Variants in SHLD2 observed in about 807,000 individuals in gnomAD.
SHLD2 encodes the protein shieldin complex subunit 2.
Under a neutral mutation model 73.2 loss-of-function variants are expected in SHLD2, and 30 were observed. That is an observed-to-expected ratio of 0.41 (90% CI 0.31 to 0.56). The LOEUF (loss-of-function observed/expected upper bound fraction) is 0.56. SHLD2 is among the 20% of genes least tolerant of loss of function. The pLI is 0.28. For synonymous variants in SHLD2, 285 were observed against 370.1 expected (o/e 0.77, Z 2.64); for missense variants, 745 against 1,055.9 (o/e 0.71, Z 4.08).
At chr10:87,127,784 A>C (rs1663856152) in intron 2 of SHLD2, among the ~76,000 whole-genome samples, 1 of 151,572 alleles carries the variant, frequency 6.6e-6, no homozygotes, top group Non-Finnish European at 1.5e-5. Context: ...GCTTTACAAC[A>C]GTCCTAAGAG....
intron 2 of SHLD2, among the ~76,000 whole-genome samples, chr10:87,139,333 T>C (rs1845018018): frequency 6.6e-6 from 1 of 152,086 alleles, no homozygotes; most frequent in Non-Finnish European, 1.5e-5. Flanking sequence ...CTAAACTCTT[T>C]TAAAGAATAC....
At position 87,144,616 on chromosome 10, in the gene SHLD2, ATTTTTTTT is replaced by A. The variant is rs548218721; in HGVS notation, c.-5-6713_-5-6706del. Among the ~76,000 whole-genome samples the A allele has an allele frequency of 2.0e-3, 179 of 89,502 alleles. 1 individual carries two copies. The highest frequency in any genetic ancestry group is 6.0e-3 in the African/African-American group (117 of 19,352). The allele number at this position is 89,502 out of a possible 152,430, so 58.7% of individuals were successfully genotyped here. A position where few individuals can be genotyped will look rare whatever the true frequency, so the allele number is the denominator to read the frequency against. ...TAAATTTAGGTACAAGCATTTACTA[ATTTTTTTT>A]TTTTTTTTTTTTTTTTTTTTGAGAT... On this transcript the variant is annotated intron_variant, in intron 2 of 9. Transcript: ENST00000298786.
intron 2 of SHLD2, among the ~76,000 whole-genome samples, chr10:87,122,530 G>A (rs1164689330): frequency 6.6e-6 from 1 of 151,802 alleles, no homozygotes; most frequent in Non-Finnish European, 1.5e-5. Flanking sequence ...GGCTTTACTG[G>A]CCCAACCAGA....
chr10:87,111,640 CAAAAAA>C (rs972282870), intron 2 of SHLD2, among the ~76,000 whole-genome samples: 2 of 66,874 alleles, frequency 3.0e-5, no homozygotes, highest in South Asian at 6.6e-4. Flanking sequence ...GAGTCTGTCT[CAAAAAA>C]AAAAAAAAAA....
intron 2 of SHLD2, among the ~76,000 whole-genome samples, chr10:87,138,597 G>C (rs1013704372): frequency 6.6e-6 from 1 of 152,064 alleles, no homozygotes; most frequent in Non-Finnish European, 1.5e-5. Flanking sequence ...GGAGGAGATG[G>C]AATTATACTG....
chr10:87,147,293 T>C (rs1464920006), intron 2 of SHLD2, among the ~76,000 whole-genome samples: 1 of 152,050 alleles, frequency 6.6e-6, no homozygotes, highest in Non-Finnish European at 1.5e-5. Context: ...GTGGTAGTTA[T>C]ATGAATGGGA....
chr10:87,123,416 C>G, intron 2 of SHLD2, among the ~76,000 whole-genome samples: 1 of 151,960 alleles, frequency 6.6e-6, no homozygotes, highest in Non-Finnish European at 1.5e-5. Context: ...ATTCTTTCAC[C>G]TCAGCCTCCA....
Position 87,152,515 on chromosome 10 carries a change from C to T in SHLD2, c.1161C>T (p.Gly387=). The change falls in exon 3 of 10, where the codon GGC becomes GGT. Residue 387 remains glycine, a synonymous_variant. Transcript: ENST00000298786. ...GCTGTACCTCTGAAGATAAAGTGGG[C>T]CAGTCTGAAGCTCTATCTAGAGTCC... is the stretch of plus-strand genomic sequence containing the variant. ...KRSCTSEDKV[G]QSEALSRVLQ... is the part of the protein sequence containing the mutation. 6.2e-7 allele frequency: 1 copy of T among 1,611,804 alleles called. No homozygotes were observed. The highest frequency in any genetic ancestry group is 8.5e-7 in the Non-Finnish European group (1 of 1,179,822).
At chr10:87,095,709 G>A (rs563187449) in intron 1 of SHLD2, among the ~76,000 whole-genome samples, 8 of 152,338 alleles carry the variant, frequency 5.3e-5, no homozygotes, top group African/African-American at 1.9e-4. Context: ...GCAGTGTGGA[G>A]ATCGCATAGT....
intron 2 of SHLD2, among the ~76,000 whole-genome samples, chr10:87,137,968 C>T (rs1025728151): frequency 2.0e-5 from 3 of 151,864 alleles, no homozygotes; most frequent in African/African-American, 7.3e-5. Flanking sequence ...CCCAGGAGTT[C>T]GAGTCCAGCC....
intron 2 of SHLD2, chr10:87,114,198 T>G (rs1843102686): frequency 6.6e-6 from 1 of 152,154 alleles, no homozygotes; most frequent in Non-Finnish European, 1.5e-5. Flanking sequence ...CAACATTCTG[T>G]TTGTGGGAAA....
At chr10:87,113,714 A>G (rs1843070893) in intron 2 of SHLD2, among the ~76,000 whole-genome samples, 1 of 152,240 alleles carries the variant, frequency 6.6e-6, no homozygotes, top group Non-Finnish European at 1.5e-5. Flanking sequence ...TGTCAATTAA[A>G]AAAAAGTATA....
intron 2 of SHLD2, among the ~76,000 whole-genome samples, chr10:87,144,518 C>T (rs1224666685): frequency 6.6e-6 from 1 of 150,378 alleles, no homozygotes; most frequent in Non-Finnish European, 1.5e-5. Flanking sequence ...GCTTTTGTTT[C>T]TGAGGAAAAA....
intron 1 of SHLD2, among the ~76,000 whole-genome samples, chr10:87,095,685 C>G (rs544963982): frequency 4.6e-5 from 7 of 152,264 alleles, no homozygotes; most frequent in Non-Finnish European, 1.0e-4. Context: ...TTTATTGTCC[C>G]GTTCAACTGC....
intron 8 of SHLD2, among the ~76,000 whole-genome samples, chr10:87,181,990 A>G (rs1433277427): frequency 6.6e-6 from 1 of 151,750 alleles, no homozygotes; most frequent in East Asian, 1.9e-4. Flanking sequence ...CTGGTCTCGA[A>G]CTCCTGACCT....
At chr10:87,105,135 G>A (rs1197593472) in intron 2 of SHLD2, among the ~76,000 whole-genome samples, 1 of 152,082 alleles carries the variant, frequency 6.6e-6, no homozygotes, top group South Asian at 2.1e-4. Flanking sequence ...CCACCCTCTA[G>A]AAAAGAAAAT....
At chr10:87,173,328 G>T (rs1307881663) in intron 6 of SHLD2, among the ~76,000 whole-genome samples, 2 of 152,004 alleles carry the variant, frequency 1.3e-5, no homozygotes, top group Non-Finnish European at 2.9e-5. Flanking sequence ...CACCGCACCC[G>T]GCCAGCATAA....
At chr10:87,137,779 A>G (rs1381214300) in intron 2 of SHLD2, among the ~76,000 whole-genome samples, 1 of 152,208 alleles carries the variant, frequency 6.6e-6, no homozygotes, top group Non-Finnish European at 1.5e-5. Flanking sequence ...ATATATAGGC[A>G]TATCATAATC....
chr10:87,128,148 C>T (rs1844171082), intron 2 of SHLD2, among the ~76,000 whole-genome samples: 1 of 152,166 alleles, frequency 6.6e-6, no homozygotes, highest in African/African-American at 2.4e-5. Context: ...TAATTCTCAG[C>T]TTCCACCTTC....
Sources: gnomAD v4.1 joint callset for allele counts (sites outside exome capture counted in the v4.1 genomes callset) on GRCh38, gnomAD v4.1.1 for gene constraint, MANE v1.5 for transcripts, NCBI Gene and HGNC (gene_info 2026-07-23, HGNC 2026-07-21) for gene names.